Variants in ANKRD17 observed in about 807,000 individuals in gnomAD.
ANKRD17 encodes the protein ankyrin repeat domain-containing protein 17.
Under a neutral mutation model 229.7 loss-of-function variants are expected in ANKRD17, and 19 were observed. The ratio of observed to expected loss-of-function variants is 0.08; its 90% CI spans 0.06 to 0.12. The LOEUF (loss-of-function observed/expected upper bound fraction) is 0.12. Among genes scored for constraint, ANKRD17 ranks in the 10% least tolerant of loss-of-function variants. The pLI is 1.00. For missense variants in ANKRD17, 2,176 were observed against 3,176.8 expected (o/e 0.68, Z 7.57); for synonymous variants, 1,112 against 1,146.1 (o/e 0.97, Z 0.60).
intron 15 of ANKRD17, among the ~76,000 whole-genome samples, chr4:73,137,594 G>C (rs1729072658): frequency 6.6e-6 from 1 of 152,152 alleles, no homozygotes; most frequent in South Asian, 2.1e-4. Context: ...CAGTGCATGA[G>C]TATATGTGCA....
chr4:73,258,793 T>C lies in ANKRD17; in HGVS notation c.-125A>G. 1.7e-6 allele frequency: 2 copies of C among 1,160,750 alleles called. No individual in the cohort carries two copies. The highest frequency in any genetic ancestry group is 2.1e-5 in the South Asian group (1 of 48,760). The allele number at this position is 1,160,750 out of a possible 1,614,324, so 71.9% of individuals were successfully genotyped here. On this transcript the variant is annotated 5_prime_UTR_variant, in exon 1 of 34. Transcript: ENST00000358602. ...CTCCGCCGCCACCGCCTCGGTCACCTCTACTGCCGCCGCCGCCGCCGCCGC... is the reference window on the plus strand; with the variant it reads ...CTCCGCCGCCACCGCCTCGGTCACCCCTACTGCCGCCGCCGCCGCCGCCGC...
In ANKRD17 at chr4:73,188,121, G is replaced by A. The variant is rs142734754; in HGVS notation, c.394-10588C>T. 6.4e-3 allele frequency among the ~76,000 whole-genome samples: 964 copies of A among 151,784 alleles called. 7 individuals carry two copies. The highest frequency in any genetic ancestry group is 0.01 in the Non-Finnish European group (702 of 67,958). On this transcript the variant is annotated intron_variant, in intron 1 of 33. Transcript: ENST00000358602. ...GAAATTATACAAGGGCACATTCTTG[G>A]TCCATAAAGTTGAAAGAAACTAAAA... is the stretch of plus-strand genomic sequence containing the variant.
rs986760239 is a variant in ANKRD17 at position 73,074,360 on chromosome 4, A to C, written c.*1871T>G. 2.6e-5 allele frequency: 4 copies of C among 152,062 alleles called. No homozygotes were observed. Among genetic ancestry groups the C allele is most frequent in the African/African-American group, 4.8e-5 (2 of 41,460 alleles). 9.4% of individuals were successfully genotyped at this position (152,062 alleles called of 1,614,324 possible). ...AGAAAAAAAATTTTATGTATAGAAT[A>C]GTGGCAAGTCATATATAAAATACTT... is the stretch of plus-strand genomic sequence containing the variant. On this transcript the variant is annotated 3_prime_UTR_variant, in exon 34 of 34. Coordinates refer to ENST00000358602, the MANE Select transcript of ANKRD17 (RefSeq NM_032217.5).
At chr4:73,146,035 T>C (rs1353799972) in intron 10 of ANKRD17, among the ~76,000 whole-genome samples, 4 of 152,090 alleles carry the variant, frequency 2.6e-5, no homozygotes, top group African/African-American at 9.7e-5. Context: ...CCTTTGGATG[T>C]CTTATTCCTT....
chr4:73,091,257 T>C lies in ANKRD17; in HGVS notation c.6371A>G (p.Gln2124Arg). Residue 2124 changes from glutamine (Q) to arginine (R), a missense_variant, in exon 29 of 34, where the codon CAG (glutamine) becomes CGG (arginine). Physicochemically the swap from Gln to Arg is conservative, Grantham distance 43 (BLOSUM62 1). Around this residue, in one of 18 missense-constraint regions of ANKRD17, gnomAD observed 424 missense variants for 454.0 expected, o/e 0.93. Coordinates refer to ENST00000358602, the MANE Select transcript of ANKRD17 (RefSeq NM_032217.5). ...TTCCGGGGGAGGAACCTGAGACTGC[T>C]GAAGAGGTGGTCTTGGTTCCTGAGA... ...SVSQEPRPPL[Q>R]QSQVPPPEVR... 4 of 1,614,228 alleles carry C rather than the reference T, an allele frequency of 2.5e-6. No individual in the cohort carries two copies. Among genetic ancestry groups the C allele is most frequent in the Non-Finnish European group, 3.4e-6 (4 of 1,180,046 alleles).
intron 24 of ANKRD17, chr4:73,112,905 A>C (rs1725489993): frequency 3.5e-6 from 1 of 284,358 alleles, no homozygotes; most frequent in South Asian, 1.4e-4. Context: ...CTCCTGCCTC[A>C]GCCTCCAGAG....
chr4:73,254,887 T>G (rs1745328368), intron 1 of ANKRD17, among the ~76,000 whole-genome samples: 1 of 152,238 alleles, frequency 6.6e-6, no homozygotes, highest in South Asian at 2.1e-4. Context: ...TATAAGATTT[T>G]TTTCTTGTAA....
At chr4:73,215,108 G>A (rs1740836519) in intron 1 of ANKRD17, among the ~76,000 whole-genome samples, 2 of 152,012 alleles carry the variant, frequency 1.3e-5, no homozygotes, top group African/African-American at 4.8e-5. Flanking sequence ...AATGATATGA[G>A]CCTGTCATTT....
intron 1 of ANKRD17, among the ~76,000 whole-genome samples, chr4:73,179,648 G>A (rs1017818655): frequency 2.7e-5 from 4 of 149,980 alleles, no homozygotes; most frequent in African/African-American, 9.8e-5. Flanking sequence ...CACACACCAC[G>A]CCTGGCTGAT....
chr4:73,246,339 T>C (rs1018319410), intron 1 of ANKRD17, among the ~76,000 whole-genome samples: 5 of 152,142 alleles, frequency 3.3e-5, no homozygotes, highest in African/African-American at 1.2e-4. Flanking sequence ...ATGGGTTGGG[T>C]GAAAAGAGGG....
At chr4:73,240,857 G>GGCGT (rs1280462046) in intron 1 of ANKRD17, among the ~76,000 whole-genome samples, 1 of 129,722 alleles carries the variant, frequency 7.7e-6, no homozygotes. Flanking sequence ...CACCCAGGTT[G>GGCGT]GCGTGCAGTG....
At position 73,090,655 on chromosome 4, in the gene ANKRD17, A is replaced by G; in HGVS notation, c.6961+12T>C. 1.9e-6 allele frequency: 3 copies of G among 1,613,972 alleles called. No individual in the cohort carries two copies. Among genetic ancestry groups the G allele is most frequent in the Non-Finnish European group, 2.5e-6 (3 of 1,179,988 alleles). On this transcript the variant is annotated intron_variant, in intron 29 of 33. Coordinates refer to ENST00000358602, the MANE Select transcript of ANKRD17 (RefSeq NM_032217.5). ...ATGAACAGCTGCAGAATCTCAGAAA[A>G]TATAAACTCACCTGAGGGACTTGGA...
intron 29 of ANKRD17, among the ~76,000 whole-genome samples, chr4:73,089,435 C>G (rs187004233): frequency 6.6e-6 from 1 of 152,076 alleles, no homozygotes; most frequent in Admixed American, 6.5e-5. Flanking sequence ...CCATCTCTTA[C>G]GTGGACTATC....
intron 2 of ANKRD17, among the ~76,000 whole-genome samples, chr4:73,167,474 G>A (rs770299159): frequency 1.3e-4 from 20 of 152,260 alleles, no homozygotes; most frequent in South Asian, 2.1e-4. Flanking sequence ...ATCTACTTCC[G>A]TGTAACATCT....
At chr4:73,142,537 C>G in intron 12 of ANKRD17, 103 bp downstream of exon 12, 1 of 1,590,232 alleles carries the variant, frequency 6.3e-7, no homozygotes, top group Non-Finnish European at 8.6e-7. Flanking sequence ...AAAATTTACA[C>G]TTAGAATGCC....
At chr4:73,116,161 A>T (rs867832900) in intron 22 of ANKRD17, among the ~76,000 whole-genome samples, 5 of 151,952 alleles carry the variant, frequency 3.3e-5, no homozygotes, top group Admixed American at 3.3e-4. Context: ...AACTCTGAAT[A>T]AAAAAAACAA....
chr4:73,109,758 G>A (rs180840126), intron 24 of ANKRD17, among the ~76,000 whole-genome samples: 6 of 152,042 alleles, frequency 3.9e-5, no homozygotes, highest in Non-Finnish European at 7.4e-5. Flanking sequence ...GTTTTTTCTC[G>A]ACACGTTTAG....
chr4:73,142,211 C>T, intron 13 of ANKRD17, 31 bp downstream of exon 13: 12 of 1,514,410 alleles, frequency 7.9e-6, no homozygotes, highest in Non-Finnish European at 9.7e-6. Context: ...AGAAGACATA[C>T]CATAAAATGC....
intron 3 of ANKRD17, among the ~76,000 whole-genome samples, chr4:73,157,209 A>T (rs1273128056): frequency 5.3e-5 from 8 of 152,206 alleles, no homozygotes; most frequent in Non-Finnish European, 1.2e-4. Context: ...AATTATAAAG[A>T]TCTATGTGAG....
Sources: allele counts gnomAD v4.1 joint callset (sites outside exome capture counted in the v4.1 genomes callset), GRCh38; gene constraint gnomAD v4.1.1; regional missense constraint gnomAD v4.1.1; transcripts MANE v1.5; gene names NCBI Gene and HGNC (gene_info 2026-07-23, HGNC 2026-07-21).